The following SLIT3 variants were observed in gnomAD, a reference collection of about 807,000 sequenced individuals.
SLIT3 encodes the protein slit homolog 3 protein.
SLIT3 carries 68 observed loss-of-function variants against 184.0 expected under a neutral mutation model. That is an observed-to-expected ratio of 0.37 (90% CI 0.30 to 0.45). The LOEUF is 0.45. SLIT3 is among the 20% of genes least tolerant of loss of function. The pLI, the probability that SLIT3 is intolerant of heterozygous loss-of-function variation, is 1.00. For missense variants in SLIT3, 1,707 were observed against 2,026.0 expected (o/e 0.84, Z 3.02); for synonymous variants, 831 against 828.6 (o/e 1.00, Z -0.05).
Position 169,279,866 on chromosome 5 carries a change from C to A in SLIT3, c.197+20647G>T, listed in dbSNP as rs538366522. ...TGAACTCATAATAGTACCCACCTCA[C>A]AGAATGGTTGTAAGAATTAAGAAAT... is the stretch of plus-strand genomic sequence containing the variant. On this transcript the variant is annotated intron_variant, in intron 1 of 35. Transcript: ENST00000519560. Among the ~76,000 whole-genome samples the A allele has an allele frequency of 2.0e-5, 3 of 152,334 alleles. No homozygotes were observed. The South Asian group carries it at 6.2e-4, about 32-fold the overall frequency.
intron 4 of SLIT3, among the ~76,000 whole-genome samples, chr5:169,191,443 A>G (rs1763548380): frequency 6.6e-6 from 1 of 152,150 alleles, no homozygotes; most frequent in African/African-American, 2.4e-5. Flanking sequence ...TGCCTCCCAG[A>G]GAAAGGAGAT....
chr5:168,969,721 T>G (rs1235639290), intron 4 of SLIT3, among the ~76,000 whole-genome samples: 2 of 152,180 alleles, frequency 1.3e-5, no homozygotes, highest in Non-Finnish European at 2.9e-5. Context: ...ACAGGTGCAG[T>G]TTCCATGAAC....
intron 4 of SLIT3, among the ~76,000 whole-genome samples, chr5:169,045,101 G>A (rs755146921): frequency 2.6e-4 from 39 of 152,276 alleles, no homozygotes; most frequent in Admixed American, 1.6e-3. Context: ...AGCAGCAGTG[G>A]GGGATTGCAC....
At chr5:168,819,179 G>A (rs1757438164) in intron 7 of SLIT3, among the ~76,000 whole-genome samples, 1 of 152,252 alleles carries the variant, frequency 6.6e-6, no homozygotes, top group South Asian at 2.1e-4. Context: ...CTGGAAAGAA[G>A]TGAGACAGGC....
At chr5:168,960,754 A>G (rs1194373225) in intron 4 of SLIT3, among the ~76,000 whole-genome samples, 1 of 152,220 alleles carries the variant, frequency 6.6e-6, no homozygotes, top group Non-Finnish European at 1.5e-5. Context: ...AGCAACACAA[A>G]CCCGAGTTAT....
chr5:168,721,536 G>A (rs934007621), intron 23 of SLIT3, among the ~76,000 whole-genome samples: 1 of 152,178 alleles, frequency 6.6e-6, no homozygotes, highest in African/African-American at 2.4e-5. Flanking sequence ...CGAGGAGAGT[G>A]GGCCGGCTGT....
chr5:168,749,197 T>C (rs996713309), intron 19 of SLIT3, among the ~76,000 whole-genome samples: 3 of 152,224 alleles, frequency 2.0e-5, no homozygotes, highest in Non-Finnish European at 4.4e-5. Flanking sequence ...GTATCTTGTT[T>C]TAATGGACAG....
intron 4 of SLIT3, chr5:169,030,417 T>G (rs1050164660): frequency 8.5e-5 from 13 of 152,216 alleles, no homozygotes; most frequent in African/African-American, 2.9e-4. Flanking sequence ...AGAGATTTTG[T>G]GACCTACCAA....
intron 5 of SLIT3, among the ~76,000 whole-genome samples, chr5:168,866,588 A>T (rs55762992): frequency 0.013 from 1,971 of 152,144 alleles, 20 homozygotes; most frequent in East Asian, 0.046. Context: ...AAGTTCCCCC[A>T]CTTTTTATTC....
chr5:168,969,801 T>C (rs1432337536), intron 4 of SLIT3, among the ~76,000 whole-genome samples: 1 of 152,214 alleles, frequency 6.6e-6, no homozygotes, highest in African/African-American at 2.4e-5. Flanking sequence ...CAGGTTCACT[T>C]TGGGGCTCTC....
intron 4 of SLIT3, among the ~76,000 whole-genome samples, chr5:168,949,971 G>T (rs779171929): frequency 1.3e-5 from 2 of 152,174 alleles, no homozygotes; most frequent in African/African-American, 4.8e-5. Flanking sequence ...ACCCTTGAAA[G>T]TTCCTTAAAC....
chr5:168,732,923 C>CT (rs1293083540), intron 20 of SLIT3, among the ~76,000 whole-genome samples: 3 of 152,096 alleles, frequency 2.0e-5, no homozygotes, highest in African/African-American at 7.2e-5. Context: ...GGATTTATGA[C>CT]TAAGTCCTCA....
rs7723802 is a variant in SLIT3, at chr5:169,278,136, C to A, written c.197+22377G>T. On this transcript the variant is annotated intron_variant, in intron 1 of 35. Coordinates refer to ENST00000519560, the MANE Select transcript of SLIT3 (RefSeq NM_003062.4). ...TCCTGCTCAACTTTTCCCTGACTCC[C>A]CTGTTGACAGGATCTGGAACTCCCA... Among the ~76,000 whole-genome samples, 1,185 of 152,252 alleles carry A rather than the reference C, an allele frequency of 7.8e-3. 15 individuals carry two copies. Among genetic ancestry groups the A allele is most frequent in the African/African-American group, 0.027 (1,142 of 41,546 alleles).
intron 3 of SLIT3, among the ~76,000 whole-genome samples, chr5:169,212,875 T>TCCTAACA (rs1561742778): frequency 6.6e-6 from 1 of 152,236 alleles, no homozygotes; most frequent in African/African-American, 2.4e-5. Context: ...TAGCCAGTTT[T>TCCTAACA]CCTAACACCA....
intron 4 of SLIT3, among the ~76,000 whole-genome samples, chr5:169,040,922 T>C (rs753036330): frequency 2.0e-5 from 3 of 152,220 alleles, no homozygotes; most frequent in Non-Finnish European, 4.4e-5. Context: ...CAAATGATGA[T>C]TGATGCATTA....
At chr5:169,134,205 GA>G (rs1761413031) in intron 4 of SLIT3, among the ~76,000 whole-genome samples, 1 of 152,158 alleles carries the variant, frequency 6.6e-6, no homozygotes, top group African/African-American at 2.4e-5. Context: ...TCATAAATTA[GA>G]TCATGTTACG....
chr5:169,178,033 C>T (rs1763037468), intron 4 of SLIT3, among the ~76,000 whole-genome samples: 2 of 152,322 alleles, frequency 1.3e-5, no homozygotes, highest in African/African-American at 4.8e-5. Context: ...CACGTGGAGG[C>T]AGTCCTAGTG....
At chr5:168,807,416 G>A (rs997657268) in intron 8 of SLIT3, among the ~76,000 whole-genome samples, 1 of 152,132 alleles carries the variant, frequency 6.6e-6, no homozygotes, top group Non-Finnish European at 1.5e-5. Context: ...ATGTTTTAAG[G>A]ACATTGTAAA....
intron 12 of SLIT3, among the ~76,000 whole-genome samples, chr5:168,781,550 C>T (rs1036196064): frequency 1.3e-5 from 2 of 152,172 alleles, no homozygotes; most frequent in African/African-American, 2.4e-5. Flanking sequence ...TGTCCCACCT[C>T]GATTGGGTCT....
Sources: gnomAD v4.1 joint callset for allele counts (sites outside exome capture counted in the v4.1 genomes callset) on GRCh38, gnomAD v4.1.1 for gene constraint, MANE v1.5 for transcripts, NCBI Gene and HGNC (gene_info 2026-07-23, HGNC 2026-07-21) for gene names.